The following FCHO2 variants were observed in gnomAD, a reference collection of about 807,000 sequenced individuals.
FCHO2 encodes FCH and mu domain containing endocytic adaptor 2.
FCHO2 carries 43 observed loss-of-function variants against 114.1 expected under a neutral mutation model. The ratio of observed to expected loss-of-function variants is 0.38; its 90% confidence interval spans 0.30 to 0.49. The LOEUF (loss-of-function observed/expected upper bound fraction) is 0.49, where lower values mean the gene tolerates loss of function less well. Ranked by LOEUF, FCHO2 falls within the 20% of genes least tolerant of loss-of-function variation. The pLI is 0.97. For synonymous variants in FCHO2, 293 were observed against 315.2 expected (o/e 0.93, Z 0.75); for missense variants, 807 against 950.4 (o/e 0.85, Z 1.98).
chr5:73,082,466 T>A (rs1377565295), intron 23 of FCHO2, among the ~76,000 whole-genome samples: 3 of 151,902 alleles, frequency 2.0e-5, no homozygotes, highest in Admixed American at 2.0e-4. Flanking sequence ...TTTAATAACA[T>A]GTGTCTTCCT....
rs1383879369 is a variant in FCHO2 at position 73,074,871 on chromosome 5, A to T, written c.1691+18A>T. ...CCCACCAAGTTAGTTTTTAAAATAT[A>T]TGCATGTATGTGTATGTATGTGTGT... On this transcript the variant is annotated intron_variant, in intron 20 of 25. Transcript: ENST00000430046. The T allele has an allele frequency of 2.5e-6, 4 of 1,590,712 alleles. No homozygotes were observed. In the African/African-American group the frequency reaches 5.4e-5, roughly 21 times the overall value.
intron 8 of FCHO2, 31 bp downstream of exon 8, chr5:73,017,339 T>G (rs747567278): frequency 7.1e-7 from 1 of 1,416,446 alleles, no homozygotes. Flanking sequence ...AGGAAACATT[T>G]TAAATTTTCC....
At chr5:73,001,824 A>G (rs565626392) in intron 5 of FCHO2, among the ~76,000 whole-genome samples, 7 of 151,770 alleles carry the variant, frequency 4.6e-5, no homozygotes, top group Non-Finnish European at 1.0e-4. Flanking sequence ...CTATGGTCCT[A>G]GGTACTTGGG....
intron 17 of FCHO2, among the ~76,000 whole-genome samples, 192 bp downstream of exon 17, chr5:73,058,716 G>T (rs545605855): frequency 6.6e-6 from 1 of 151,860 alleles, no homozygotes; most frequent in Admixed American, 6.6e-5. Context: ...ATAAAAATTG[G>T]TAAAATACTA....
chr5:72,997,355 A>G, intron 5 of FCHO2: 2 of 1,591,182 alleles, frequency 1.3e-6, no homozygotes, highest in Non-Finnish European at 1.7e-6. Context: ...GGACAATAGC[A>G]GAAGCATTCT....
At chr5:73,007,053 C>T (rs1754755372) in intron 6 of FCHO2, among the ~76,000 whole-genome samples, 1 of 152,158 alleles carries the variant, frequency 6.6e-6, no homozygotes, top group Admixed American at 6.6e-5. Context: ...TCATACCTAA[C>T]ATTTCCACTC....
intron 2 of FCHO2, among the ~76,000 whole-genome samples, chr5:72,982,159 G>A (rs1032959243): frequency 6.6e-6 from 1 of 152,112 alleles, no homozygotes; most frequent in South Asian, 2.1e-4. Context: ...CCTTGGCTAG[G>A]GGAGAGAGTT....
At chr5:73,030,802 C>T (rs1756196703) in intron 8 of FCHO2, among the ~76,000 whole-genome samples, 1 of 152,104 alleles carries the variant, frequency 6.6e-6, no homozygotes, top group African/African-American at 2.4e-5. Context: ...AAGCATTGCG[C>T]CAGGAGTCTC....
At chr5:72,966,851 C>G (rs1752229689) in intron 1 of FCHO2, among the ~76,000 whole-genome samples, 1 of 152,160 alleles carries the variant, frequency 6.6e-6, no homozygotes. Flanking sequence ...GTTGTTAAAC[C>G]TAGTGTATCA....
intron 1 of FCHO2, among the ~76,000 whole-genome samples, chr5:72,965,269 C>G (rs777285755): frequency 3.3e-5 from 5 of 152,200 alleles, no homozygotes. Flanking sequence ...AAGCAAGTCA[C>G]AAACTCCTGG....
At chr5:73,018,352 A>G (rs1045524849) in intron 8 of FCHO2, among the ~76,000 whole-genome samples, 2 of 152,024 alleles carry the variant, frequency 1.3e-5, no homozygotes, top group African/African-American at 2.4e-5. Flanking sequence ...TCTCCAATCT[A>G]TTTTACATGT....
In FCHO2 at chr5:73,024,428, CT is replaced by C. The variant is rs531079627; in HGVS notation, c.796+7132del. ...GACCTGCTCTTTACTAGCAGTGAGACTTTTTTTTTTTTATGTTTTATTTTTT... is the reference window on the plus strand; with the variant it reads ...GACCTGCTCTTTACTAGCAGTGAGACTTTTTTTTTTTATGTTTTATTTTTT... On this transcript the variant is annotated intron_variant, in intron 8 of 25. Coordinates refer to ENST00000430046, the MANE Select transcript of FCHO2 (RefSeq NM_138782.3). Among the ~76,000 whole-genome samples, 166 of 144,230 alleles carry C rather than the reference CT, an allele frequency of 1.2e-3. 1 individual carries two copies. Among genetic ancestry groups the C allele is most frequent in the South Asian group, 9.9e-3 (45 of 4,562 alleles). 94.6% of individuals were successfully genotyped at this position (144,230 alleles called of 152,430 possible). A position where few individuals can be genotyped will look rare whatever the true frequency, so the allele number is the denominator to read the frequency against.
At chr5:73,014,328 G>C (rs993769394) in intron 6 of FCHO2, among the ~76,000 whole-genome samples, 10 of 142,684 alleles carry the variant, frequency 7.0e-5, no homozygotes, top group African/African-American at 2.6e-4. Context: ...TCACTCTGTC[G>C]CCCAAGCTGG....
chr5:73,048,207 T>TG (rs1273019216), intron 11 of FCHO2, among the ~76,000 whole-genome samples: 1 of 151,772 alleles, frequency 6.6e-6, no homozygotes, highest in African/African-American at 2.4e-5. Context: ...CCCAACACTT[T>TG]GGGGGGCCGA....
intron 2 of FCHO2, among the ~76,000 whole-genome samples, chr5:72,984,172 C>T (rs1033418266): frequency 6.6e-6 from 1 of 152,164 alleles, no homozygotes; most frequent in African/African-American, 2.4e-5. Context: ...CACAACTTGT[C>T]ATTTATGTGA....
At chr5:73,069,628 G>T (rs76242922) in intron 19 of FCHO2, among the ~76,000 whole-genome samples, 1 of 151,914 alleles carries the variant, frequency 6.6e-6, no homozygotes, top group Non-Finnish European at 1.5e-5. Context: ...GGGGTGGGGG[G>T]CGGTTTACTT....
At chr5:72,958,664 T>C (rs1751690890) in intron 1 of FCHO2, among the ~76,000 whole-genome samples, 2 of 152,228 alleles carry the variant, frequency 1.3e-5, no homozygotes, top group African/African-American at 4.8e-5. Context: ...CAGGATTATT[T>C]TGACTGCCCT....
intron 2 of FCHO2, among the ~76,000 whole-genome samples, chr5:72,981,394 A>G (rs1473208298): frequency 3.3e-5 from 5 of 151,828 alleles, no homozygotes; most frequent in African/African-American, 7.3e-5. Context: ...CTTCATTTCA[A>G]CCTTGGTGAA....
chr5:73,019,760 A>G (rs1755513360), intron 8 of FCHO2, among the ~76,000 whole-genome samples: 1 of 152,112 alleles, frequency 6.6e-6, no homozygotes, highest in Admixed American at 6.6e-5. Context: ...AGCCATGAAA[A>G]AGTCCCCAGG....
Sources: gnomAD v4.1 joint callset for allele counts (sites outside exome capture counted in the v4.1 genomes callset) on GRCh38, gnomAD v4.1.1 for gene constraint, MANE v1.5 for transcripts, NCBI Gene and HGNC (gene_info 2026-07-23, HGNC 2026-07-21) for gene names.